Variants in MDGA2 observed in about 807,000 individuals in gnomAD.
The protein encoded by MDGA2 is MAM domain containing glycosylphosphatidylinositol anchor 2.
A neutral mutation model predicts 117.8 loss-of-function variants in MDGA2; 40 were observed. The observed-to-expected ratio is 0.34, with a 90% confidence interval of 0.26 to 0.44. The LOEUF (loss-of-function observed/expected upper bound fraction) is 0.44. MDGA2 is among the 20% of genes least tolerant of loss of function. The probability of loss-of-function intolerance (pLI) is 1.00; values close to 1 mark genes in which losing one functional copy is unlikely to be tolerated. For missense variants in MDGA2, 1,123 were observed against 1,250.6 expected, an observed-to-expected ratio of 0.90 and a Z score of 1.54; for synonymous variants, 452 against 439.0, an observed-to-expected ratio of 1.03 and a Z score of -0.37.
intron 2 of MDGA2, among the ~76,000 whole-genome samples, chr14:47,268,484 T>TA (rs1468593918): frequency 6.6e-6 from 1 of 152,092 alleles, no homozygotes; most frequent in Non-Finnish European, 1.5e-5. Context: ...ACTGACTATT[T>TA]AAAAAACAGA....
intron 8 of MDGA2, among the ~76,000 whole-genome samples, chr14:46,967,696 A>C (rs1886090371): frequency 6.6e-6 from 1 of 152,162 alleles, no homozygotes; most frequent in East Asian, 1.9e-4. Context: ...TGCAAGATAC[A>C]TTCCAAGATC....
chr14:46,933,846 A>C (rs1382881184), intron 9 of MDGA2, among the ~76,000 whole-genome samples: 2 of 80,584 alleles, frequency 2.5e-5, no homozygotes, highest in South Asian at 1.0e-3. Context: ...ATATATATAT[A>C]TATATACTTT....
At chr14:47,230,810 A>G (rs969517773) in intron 2 of MDGA2, among the ~76,000 whole-genome samples, 3 of 151,980 alleles carry the variant, frequency 2.0e-5, no homozygotes, top group Non-Finnish European at 4.4e-5. Context: ...AACAATATAC[A>G]TTAAAGAGGA....
chr14:47,550,307 A>G (rs1043862042), intron 1 of MDGA2, among the ~76,000 whole-genome samples: 1 of 152,226 alleles, frequency 6.6e-6, no homozygotes, highest in Non-Finnish European at 1.5e-5. Flanking sequence ...TATTTTCTTT[A>G]CTAGTGACTT....
chr14:47,398,368 G>A (rs1038655213), intron 1 of MDGA2, among the ~76,000 whole-genome samples: 2 of 152,154 alleles, frequency 1.3e-5, no homozygotes, highest in Non-Finnish European at 2.9e-5. Flanking sequence ...CTGGGTCCTA[G>A]TCCAACTCTA....
At position 47,334,366 on chromosome 14, in the gene MDGA2, T is replaced by C. The variant is rs532211328; in HGVS notation, c.281-32816A>G. On this transcript the variant is annotated intron_variant, in intron 1 of 16. Transcript: ENST00000399232. ...ATCATGTCTGTTTTGTGTGGTGTTATTTTTTAAAAGCAAGTTTCTGGAGTA... is the reference window on the plus strand; with the variant it reads ...ATCATGTCTGTTTTGTGTGGTGTTACTTTTTAAAAGCAAGTTTCTGGAGTA... 9.9e-5 allele frequency among the ~76,000 whole-genome samples: 15 copies of C among 151,990 alleles called. No individual in the cohort carries two copies. In the East Asian group the frequency reaches 2.5e-3, roughly 26 times the overall value.
At chr14:47,215,616 T>A (rs1886057909) in intron 3 of MDGA2, among the ~76,000 whole-genome samples, 1 of 152,064 alleles carries the variant, frequency 6.6e-6, no homozygotes, top group African/African-American at 2.4e-5. Flanking sequence ...ATTCAAGCCA[T>A]CAAAAATAGG....
At chr14:47,448,535 T>G (rs763316495) in intron 1 of MDGA2, among the ~76,000 whole-genome samples, 1 of 152,136 alleles carries the variant, frequency 6.6e-6, no homozygotes, top group Non-Finnish European at 1.5e-5. Flanking sequence ...GATTTAGTAA[T>G]GAGGTTTGGA....
At chr14:47,454,762 T>G (rs569234356) in intron 1 of MDGA2, among the ~76,000 whole-genome samples, 2 of 152,200 alleles carry the variant, frequency 1.3e-5, no homozygotes, top group Non-Finnish European at 2.9e-5. Context: ...TTCCCTCAAG[T>G]AATGAATGAT....
At chr14:47,378,178 A>T (rs1333109686) in intron 1 of MDGA2, among the ~76,000 whole-genome samples, 1 of 152,224 alleles carries the variant, frequency 6.6e-6, no homozygotes, top group Non-Finnish European at 1.5e-5. Context: ...TAACAAACAG[A>T]AACAACATCC....
intron 16 of MDGA2, among the ~76,000 whole-genome samples, chr14:46,844,790 C>T (rs1480043005): frequency 6.6e-6 from 1 of 152,024 alleles, no homozygotes; most frequent in Admixed American, 6.5e-5. Context: ...AAGTGAGAGA[C>T]CAGGTGGAGG....
intron 4 of MDGA2, among the ~76,000 whole-genome samples, chr14:47,142,391 G>A (rs1882758090): frequency 6.6e-6 from 1 of 151,970 alleles, no homozygotes; most frequent in African/African-American, 2.4e-5. Flanking sequence ...TGCAGTGAGT[G>A]GAGATCATGC....
Position 47,496,133 on chromosome 14 carries a change from C to T in MDGA2, c.280+178384G>A, listed in dbSNP as rs144793700. Among the ~76,000 whole-genome samples, 1,094 of 151,782 alleles carry T rather than the reference C, an allele frequency of 7.2e-3. 13 individuals are homozygous for T. Among genetic ancestry groups the T allele is most frequent in the African/African-American group, 0.025 (1,035 of 41,374 alleles). ...TTGCTTGTCATATTTTTATAATGGA[C>T]CAAAAATTTTTGAACCAAATGAATG... On this transcript the variant is annotated intron_variant, in intron 1 of 16. Transcript: ENST00000399232.
At chr14:47,442,098 A>G (rs1159574028) in intron 1 of MDGA2, among the ~76,000 whole-genome samples, 1 of 152,156 alleles carries the variant, frequency 6.6e-6, no homozygotes, top group African/African-American at 2.4e-5. Context: ...TTGTCATGTG[A>G]TTTATCATAG....
At chr14:47,377,798 T>G (rs1453554909) in intron 1 of MDGA2, among the ~76,000 whole-genome samples, 2 of 152,122 alleles carry the variant, frequency 1.3e-5, no homozygotes, top group Non-Finnish European at 2.9e-5. Flanking sequence ...AGGGCATAGC[T>G]GAACAAAAGG....
At chr14:46,919,907 C>T in intron 10 of MDGA2, 105 bp downstream of exon 10, 1 of 987,396 alleles carries the variant, frequency 1.0e-6, no homozygotes, top group Non-Finnish European at 1.4e-6. Context: ...AACACATATA[C>T]ATAAAATATA....
At chr14:47,491,924 C>T (rs900284933) in intron 1 of MDGA2, among the ~76,000 whole-genome samples, 2 of 151,968 alleles carry the variant, frequency 1.3e-5, no homozygotes, top group Admixed American at 6.6e-5. Context: ...TTTCATACAT[C>T]CTGGTAATAC....
intron 1 of MDGA2, among the ~76,000 whole-genome samples, chr14:47,429,957 G>A (rs920477259): frequency 2.0e-5 from 3 of 148,116 alleles, no homozygotes; most frequent in Middle Eastern, 3.4e-3. Flanking sequence ...TGATGATAAC[G>A]AGAACAGCAT....
chr14:47,137,014 C>T (rs1032602541), intron 4 of MDGA2, among the ~76,000 whole-genome samples: 17 of 152,164 alleles, frequency 1.1e-4, no homozygotes, highest in African/African-American at 3.4e-4. Context: ...AACATCAATG[C>T]AGCTCTGGCC....
Sources: gnomAD v4.1 joint callset for allele counts (sites outside exome capture counted in the v4.1 genomes callset) on GRCh38, gnomAD v4.1.1 for gene constraint, MANE v1.5 for transcripts, NCBI Gene and HGNC (gene_info 2026-07-23, HGNC 2026-07-21) for gene names.